UGT1A5: variants seen among roughly 807,000 people sequenced by gnomAD.
UGT1A5 encodes UDP-glucuronosyltransferase 1A5.
A neutral mutation model predicts 40.3 loss-of-function variants in UGT1A5; 29 were observed. That is an observed-to-expected ratio of 0.72 (90% confidence interval 0.54 to 0.98). UGT1A5 has a LOEUF of 0.98. UGT1A5 is among the 50% of genes least tolerant of loss of function. The probability of loss-of-function intolerance (pLI) is 0.00; values close to 1 mark genes in which losing one functional copy is unlikely to be tolerated. For missense variants in UGT1A5, 678 were observed against 677.9 expected (o/e 1.00, Z 0.00); for synonymous variants, 257 against 262.5 (o/e 0.98, Z 0.20).
intron 2 of UGT1A5, 147 bp from the exon 3 acceptor site, chr2:233,767,702 C>A: frequency 1.3e-6 from 2 of 1,514,192 alleles, no homozygotes; most frequent in Non-Finnish European, 1.8e-6. Flanking sequence ...AGTTGCCAGT[C>A]CTCAGAAGCC....
chr2:233,718,302 C>T (rs1386220798), intron 1 of UGT1A5, among the ~76,000 whole-genome samples: 2 of 152,224 alleles, frequency 1.3e-5, no homozygotes, highest in Admixed American at 6.5e-5. Flanking sequence ...CCTGAACACT[C>T]TCTGTTTAGA....
intron 1 of UGT1A5, among the ~76,000 whole-genome samples, chr2:233,720,439 A>G (rs1010293561): frequency 2.0e-5 from 3 of 152,114 alleles, no homozygotes; most frequent in African/African-American, 7.2e-5. Context: ...CCGTGAATCT[A>G]TAAGCCCAGT....
At position 233,767,163 on chromosome 2, in the gene UGT1A5, A is replaced by C; in HGVS notation, c.997A>C (p.Thr333Pro). ...TGATGCTTTGGGCAAAATCCCTCAG[A>C]CAGTAAGAAGATTCTATACCATGGC... is the stretch of plus-strand genomic sequence containing the variant. Reference protein sequence around the residue: ...IADALGKIPQTVLWRYTGTRP... With the variant: ...IADALGKIPQPVLWRYTGTRP... Residue 333 changes from threonine (T) to proline (P), a missense_variant and splice_region_variant, in exon 2 of 5, where the codon ACA becomes CCA. Thr to Pro is a conservative substitution (Grantham distance 38). Coordinates refer to ENST00000373414, the MANE Select transcript of UGT1A5 (RefSeq NM_019078.2). The C allele has an allele frequency of 6.2e-7, 1 of 1,614,100 alleles. No individual in the cohort carries two copies. The highest frequency in any genetic ancestry group is 8.5e-7 in the Non-Finnish European group (1 of 1,180,006).
intron 1 of UGT1A5, among the ~76,000 whole-genome samples, chr2:233,764,630 G>T (rs2126011376): frequency 6.6e-6 from 1 of 152,148 alleles, no homozygotes; most frequent in Middle Eastern, 3.4e-3. Context: ...GAAGAGCAAA[G>T]GTCCTAGGAA....
rs199541495 is a variant in UGT1A5 at position 233,713,270 on chromosome 2, G to A, written c.279G>A (p.Leu93=). ...CCCAGGACGAATTTGATCGCCTTTT[G>A]CTGGGTCACACTCAATCGTTCTTTG... ...SWTQDEFDRL[L]LGHTQSFFET... The change falls in exon 1 of 5, where the codon TTG becomes TTA. Residue 93 remains leucine, a synonymous_variant. Coordinates refer to ENST00000373414, the MANE Select transcript of UGT1A5 (RefSeq NM_019078.2). 2.5e-6 allele frequency: 4 copies of A among 1,614,126 alleles called. No homozygotes were observed. In the African/African-American group the frequency reaches 5.3e-5, roughly 22 times the overall value.
At chr2:233,717,670 G>GC (rs2076597082) in intron 1 of UGT1A5, 1 of 419,050 alleles carries the variant, frequency 2.4e-6, no homozygotes, top group African/African-American at 2.0e-5. Context: ...CAGCAATCTT[G>GC]CGAGCACATG....
rs371827044 is a variant in UGT1A5, at chr2:233,728,641, A to G, written c.867+14783A>G. 1.3e-4 allele frequency among the ~76,000 whole-genome samples: 20 copies of G among 152,302 alleles called. No homozygotes were observed. The East Asian group carries it at 3.3e-3, about 25-fold the overall frequency. On this transcript the variant is annotated intron_variant, in intron 1 of 4. Transcript: ENST00000373414. ...GAGAAAGCTGGCTTAGCAATGTTGT[A>G]TGGTTTTTGGATGCGCTGCGTTACT...
intron 1 of UGT1A5, among the ~76,000 whole-genome samples, chr2:233,733,410 G>A (rs1464180881): frequency 6.6e-6 from 1 of 152,160 alleles, no homozygotes; most frequent in Non-Finnish European, 1.5e-5. Flanking sequence ...AATGCTTCCA[G>A]TTTTCGCCTA....
Position 233,772,359 on chromosome 2 carries a change from C to T in UGT1A5, c.1405C>T (p.His469Tyr), listed in dbSNP as rs1559420158. 1 of 1,614,248 alleles carries T rather than the reference C, an allele frequency of 6.2e-7. No individual in the cohort carries two copies. The highest frequency in any genetic ancestry group is 8.5e-7 in the Non-Finnish European group (1 of 1,180,052). ...GTTCTGGGTGGAGTTTGTGATGAGG[C>T]ACAAGGGCGCGCCACACCTGCGCCC... ...AVFWVEFVMR[H>Y]KGAPHLRPAA... Residue 469 changes from histidine (H) to tyrosine (Y), a missense_variant, in exon 5 of 5, where the codon CAC (histidine) becomes TAC (tyrosine). His to Tyr is a moderately conservative substitution (Grantham distance 83). Coordinates refer to ENST00000373414, the MANE Select transcript of UGT1A5 (RefSeq NM_019078.2).
chr2:233,767,747 C>CTG lies in UGT1A5; in HGVS notation c.1000-100_1000-99dup, dbSNP rs35331289. ...ACTGATCCTCCCACTCTGTTAAAGA[C>CTG]TGTTCCTTCAGAGGACCCCTGTTTT... is the stretch of plus-strand genomic sequence containing the variant. On this transcript the variant is annotated intron_variant, in intron 2 of 4. Coordinates refer to ENST00000373414, the MANE Select transcript of UGT1A5 (RefSeq NM_019078.2). 3.9e-3 allele frequency: 6,206 copies of CTG among 1,591,080 alleles called. 210 individuals are homozygous for CTG. In the African/African-American group the frequency reaches 0.073, roughly 19 times the overall value.
At chr2:233,761,629 C>A (rs1415462603) in intron 1 of UGT1A5, among the ~76,000 whole-genome samples, 1 of 152,252 alleles carries the variant, frequency 6.6e-6, no homozygotes, top group Admixed American at 6.5e-5. Flanking sequence ...GAAGCTAAAT[C>A]CTGCAGTCCG....
At chr2:233,763,667 A>G (rs1461035011) in intron 1 of UGT1A5, among the ~76,000 whole-genome samples, 2 of 152,194 alleles carry the variant, frequency 1.3e-5, no homozygotes, top group African/African-American at 4.8e-5. Context: ...AAAACTCCTG[A>G]ACTTTAAGAA....
At chr2:233,730,481 T>A (rs1335220137) in intron 1 of UGT1A5, among the ~76,000 whole-genome samples, 1 of 152,146 alleles carries the variant, frequency 6.6e-6, no homozygotes, top group Non-Finnish European at 1.5e-5. Context: ...GGCACTCACA[T>A]GAAATAGAAG....
In UGT1A5 at chr2:233,772,258, T is replaced by A; in HGVS notation, c.1308-4T>A. On this transcript the variant is annotated splice_polypyrimidine_tract_variant and splice_region_variant and intron_variant, in intron 4 of 4. Coordinates refer to ENST00000373414, the MANE Select transcript of UGT1A5 (RefSeq NM_019078.2). The stretch of plus-strand genomic sequence containing the variant: ...AGGCATAACGAAACTGTCTTTGTGT[T>A]TAGTTACAAGGAGAACATCATGCGC... The A allele has an allele frequency of 6.2e-7, 1 of 1,614,236 alleles. No individual in the cohort carries two copies. The highest frequency in any genetic ancestry group is 8.5e-7 in the Non-Finnish European group (1 of 1,180,048).
chr2:233,738,486 T>C (rs1260702507), intron 1 of UGT1A5, among the ~76,000 whole-genome samples: 1 of 152,220 alleles, frequency 6.6e-6, no homozygotes, highest in Non-Finnish European at 1.5e-5. Flanking sequence ...GGAGACTTGT[T>C]GAACGGTTTT....
intron 1 of UGT1A5, among the ~76,000 whole-genome samples, chr2:233,715,582 G>A (rs2076459243): frequency 6.6e-6 from 1 of 151,896 alleles, no homozygotes; most frequent in South Asian, 2.1e-4. Context: ...GAGCAGCCTG[G>A]GCAACATGCT....
Position 233,773,101 on chromosome 2 carries a change from T to A in UGT1A5, c.*542T>A, listed in dbSNP as rs1321886255. On this transcript the variant is annotated 3_prime_UTR_variant, in exon 5 of 5. Coordinates refer to ENST00000373414, the MANE Select transcript of UGT1A5 (RefSeq NM_019078.2). ...GGCTTGGAGTGCACTGAGAACAGCA[T>A]ATGATTTCTTGCTTTGGGGAAAAAG... is the stretch of plus-strand genomic sequence containing the variant. The A allele has an allele frequency of 6.4e-6, 1 of 156,412 alleles. No homozygotes were observed. The highest frequency in any genetic ancestry group is 2.4e-5 in the African/African-American group (1 of 41,460). The allele number at this position is 156,412 out of a possible 1,614,324, so 9.7% of individuals were successfully genotyped here.
chr2:233,747,009 G>A (rs1693538108), intron 1 of UGT1A5, among the ~76,000 whole-genome samples: 1 of 151,886 alleles, frequency 6.6e-6, no homozygotes, highest in African/African-American at 2.4e-5. Context: ...TCAAGTAGGA[G>A]TGATCGGTCT....
chr2:233,732,322 T>C (rs1402745036), intron 1 of UGT1A5, among the ~76,000 whole-genome samples: 3 of 152,262 alleles, frequency 2.0e-5, no homozygotes, highest in Non-Finnish European at 4.4e-5. Context: ...ATTTTGGCTT[T>C]TGTTGCCATT....
Sources: gnomAD v4.1 joint callset for allele counts (sites outside exome capture counted in the v4.1 genomes callset) on GRCh38, gnomAD v4.1.1 for gene constraint, MANE v1.5 for transcripts, NCBI Gene and HGNC (gene_info 2026-07-23, HGNC 2026-07-21) for gene names.